USP2: variants seen among roughly 807,000 people sequenced by gnomAD.
The protein encoded by USP2 is ubiquitin carboxyl-terminal hydrolase 2.
USP2 carries 33 observed loss-of-function variants against 72.0 expected under a neutral mutation model. That is an observed-to-expected ratio of 0.46 (90% CI 0.35 to 0.61). The LOEUF is 0.61. USP2 is among the 20% of genes least tolerant of loss of function. USP2 has a pLI of 0.01. For missense variants in USP2, 691 were observed against 797.8 expected (o/e 0.87, Z 1.61); for synonymous variants, 296 against 312.5 (o/e 0.95, Z 0.56).
intron 1 of USP2, among the ~76,000 whole-genome samples, chr11:119,376,925 G>T (rs1951009572): frequency 6.6e-6 from 1 of 152,116 alleles, no homozygotes; most frequent in African/African-American, 2.4e-5. Context: ...GTTTAAGCTG[G>T]GATTCTTTCA....
intron 2 of USP2, chr11:119,363,946 G>A (rs1950808287): frequency 3.1e-6 from 4 of 1,306,950 alleles, no homozygotes; most frequent in Non-Finnish European, 3.9e-6. Context: ...GGCGGGAAAG[G>A]GGGCGGCGGG....
chr11:119,369,268 T>A (rs769578197), intron 2 of USP2, among the ~76,000 whole-genome samples: 2 of 152,136 alleles, frequency 1.3e-5, no homozygotes, highest in Non-Finnish European at 1.5e-5. Context: ...TAATTCTGAA[T>A]TTATGTGGCG....
intron 1 of USP2, chr11:119,379,189 A>G: frequency 1.0e-6 from 1 of 985,500 alleles, no homozygotes; most frequent in Non-Finnish European, 1.2e-6. Context: ...TGGCGAGTGC[A>G]ACTCACTTGC....
At chr11:119,379,183 G>A (rs1951033980) in intron 1 of USP2, 2 of 985,474 alleles carry the variant, frequency 2.0e-6, no homozygotes, top group Non-Finnish European at 2.4e-6. Context: ...CAGAGATGGC[G>A]AGTGCAACTC....
chr11:119,380,658 A>T (rs1357773305), intron 1 of USP2: 1 of 153,500 alleles, frequency 6.5e-6, no homozygotes, highest in Non-Finnish European at 1.5e-5. Flanking sequence ...CCCAGGTCCT[A>T]ATGATGCACT....
Position 119,359,317 on chromosome 11 carries a change from T to C in USP2, c.975A>G (p.Ile325Met), listed in dbSNP as rs1221202199. The C allele has an allele frequency of 1.9e-6, 3 of 1,613,778 alleles. No individual in the cohort carries two copies. The highest frequency in any genetic ancestry group is 1.7e-6 in the Non-Finnish European group (2 of 1,179,994). The change falls in exon 5 of 13, where the codon ATA (isoleucine) becomes ATG (methionine). Residue 325 changes from isoleucine to methionine, a missense_variant. By Grantham distance (10) the Ile-to-Met change is conservative (BLOSUM62 1). Transcript: ENST00000260187. The stretch of plus-strand genomic sequence containing the variant: ...CCACATCATTGGGGGATGAAGTCCA[T>C]ATGGTCTGAATTAGTTTTGCAAACT... ...VEEFAKLIQTIWTSSPNDVVS... is the reference protein window; with the variant it reads ...VEEFAKLIQTMWTSSPNDVVS...
In USP2 at chr11:119,359,137, G is replaced by A; in HGVS notation, c.1062-3C>T. On this transcript the variant is annotated splice_region_variant and splice_polypyrimidine_tract_variant and intron_variant, in intron 5 of 12. Transcript: ENST00000260187. ...GGAACTCCTGAGCATCCTGCTGACTGAACCCAAAGGAAGGAGGGTGAGCAA... is the reference window on the plus strand; with the variant it reads ...GGAACTCCTGAGCATCCTGCTGACTAAACCCAAAGGAAGGAGGGTGAGCAA... 6.2e-7 allele frequency: 1 copy of A among 1,613,976 alleles called. No individual in the cohort carries two copies. The highest frequency in any genetic ancestry group is 8.5e-7 in the Non-Finnish European group (1 of 1,179,974).
chr11:119,356,874 C>G lies in USP2; in HGVS notation c.1779G>C (p.Leu593=). 7 of 1,565,796 alleles carry G rather than the reference C, an allele frequency of 4.5e-6. No individual in the cohort carries two copies. The highest frequency in any genetic ancestry group is 5.2e-6 in the Non-Finnish European group (6 of 1,155,570). The change falls in exon 13 of 13, where the codon CTG becomes CTC. Residue 593 remains leucine, a synonymous_variant. Coordinates refer to ENST00000260187, the MANE Select transcript of USP2 (RefSeq NM_004205.5). ...GCGGGCTGGCCAGTTCGTAGAAGAG[C>G]AGGTAGGCGTCGCTGGTGCGCACTT... ...SSQVRTSDAY[L]LFYELASPPS...
intron 9 of USP2, 22 bp downstream of exon 9, chr11:119,357,959 C>T (rs528383080): frequency 1.2e-6 from 2 of 1,614,170 alleles, no homozygotes; most frequent in African/African-American, 1.3e-5. Context: ...TTTGTTCTTG[C>T]TATTACCGAA....
At chr11:119,368,582 G>T (rs1456693077) in intron 2 of USP2, among the ~76,000 whole-genome samples, 1 of 152,268 alleles carries the variant, frequency 6.6e-6, no homozygotes, top group Admixed American at 6.5e-5. Context: ...GGCTTCGGAA[G>T]ATGAGTCAGC....
In USP2 at chr11:119,360,375, T is replaced by G. The variant is rs1446910511; in HGVS notation, c.775-141A>C. The stretch of plus-strand genomic sequence containing the variant: ...TTCTTTCTTCAACTTTACCCATCTA[T>G]GTACTTTGTAGGAAAGAGGATTGAG... On this transcript the variant is annotated intron_variant, in intron 2 of 12. Transcript: ENST00000260187. 4.7e-6 allele frequency: 4 copies of G among 854,560 alleles called. No homozygotes were observed. In the South Asian group the frequency reaches 5.7e-5, roughly 12 times the overall value. The allele number at this position is 854,560 out of a possible 1,614,324, so 52.9% of individuals were successfully genotyped here. A position where few individuals can be genotyped will look rare whatever the true frequency, so the allele number is the denominator to read the frequency against.
At chr11:119,370,186 A>G (rs1044540723) in intron 2 of USP2, among the ~76,000 whole-genome samples, 5 of 152,184 alleles carry the variant, frequency 3.3e-5, no homozygotes, top group Non-Finnish European at 7.4e-5. Context: ...CCAAAAAAAC[A>G]AAACAAAACA....
chr11:119,367,895 C>T (rs1440593821), intron 2 of USP2, among the ~76,000 whole-genome samples: 5 of 152,206 alleles, frequency 3.3e-5, no homozygotes, highest in Non-Finnish European at 1.5e-5. Flanking sequence ...AACATTTTGC[C>T]AGGCTTGGAT....
chr11:119,378,465 C>T (rs1254974324), intron 1 of USP2, among the ~76,000 whole-genome samples: 1 of 152,208 alleles, frequency 6.6e-6, no homozygotes. Context: ...CGCTGATCCA[C>T]CAGCCTAATC....
chr11:119,356,553 G>C lies in USP2; in HGVS notation c.*282C>G, dbSNP rs1565301189. 1 of 395,834 alleles carries C rather than the reference G, an allele frequency of 2.5e-6. No homozygotes were observed. Among genetic ancestry groups the C allele is most frequent in the Non-Finnish European group, 4.5e-6 (1 of 221,642 alleles). The allele number at this position is 395,834 out of a possible 1,614,324, so 24.5% of individuals were successfully genotyped here. Reference sequence around the variant, plus strand: ...TCCCCCCCAAGACACAGTTGTTTCTGACACATAGGAAGACCACAAGTTTAC... The same window carrying C: ...TCCCCCCCAAGACACAGTTGTTTCTCACACATAGGAAGACCACAAGTTTAC... On this transcript the variant is annotated 3_prime_UTR_variant, in exon 13 of 13. Transcript: ENST00000260187.
At chr11:119,362,319 G>A (rs1296985111) in intron 2 of USP2, among the ~76,000 whole-genome samples, 3 of 152,262 alleles carry the variant, frequency 2.0e-5, no homozygotes, top group Non-Finnish European at 4.4e-5. Context: ...CGTCACCCAC[G>A]ATTACTATTC....
At position 119,373,178 on chromosome 11, in the gene USP2, C is replaced by A; in HGVS notation, c.303G>T (p.Arg101=). Residue 101 remains arginine, a synonymous_variant, in exon 2 of 13, where the codon CGG becomes CGT. Transcript: ENST00000260187. ...CCCCGCTGAGGCCACTGCCTAAAGGCCGCTCAGTACCCCGGGTCTGGCTCT... is the reference window on the plus strand; with the variant it reads ...CCCCGCTGAGGCCACTGCCTAAAGGACGCTCAGTACCCCGGGTCTGGCTCT... ...RAESQTRGTE[R]PLGSGLSGGS... The A allele has an allele frequency of 6.2e-7, 1 of 1,614,142 alleles. No individual in the cohort carries two copies. The highest frequency in any genetic ancestry group is 1.1e-5 in the South Asian group (1 of 91,092).
chr11:119,379,465 GC>G, intron 1 of USP2: 1 of 288,630 alleles, frequency 3.5e-6, no homozygotes, highest in Non-Finnish European at 5.2e-6. Flanking sequence ...CATACAGTTA[GC>G]CCCACTCTTA....
At chr11:119,362,663 C>T (rs1394046318) in intron 2 of USP2, among the ~76,000 whole-genome samples, 4 of 152,154 alleles carry the variant, frequency 2.6e-5, no homozygotes, top group South Asian at 2.1e-4. Context: ...ACCTTTCTTA[C>T]AGGACAAACA....
Sources: gnomAD v4.1 joint callset for allele counts (sites outside exome capture counted in the v4.1 genomes callset) on GRCh38, gnomAD v4.1.1 for gene constraint, MANE v1.5 for transcripts, NCBI Gene and HGNC (gene_info 2026-07-23, HGNC 2026-07-21) for gene names.